Variants in NAALADL2 observed in about 807,000 individuals in gnomAD.
NAALADL2 encodes N-acetylated alpha-linked acidic dipeptidase like 2.
In NAALADL2, 76 loss-of-function variants were observed where a neutral mutation model predicts 87.2. The observed-to-expected ratio is 0.87, with a 90% CI of 0.72 to 1.05. NAALADL2 has a LOEUF of 1.05. Among genes scored for constraint, NAALADL2 ranks in the 50% least tolerant of loss-of-function variants. The probability of loss-of-function intolerance (pLI) is 0.00; values close to 1 mark genes in which losing one functional copy is unlikely to be tolerated. For missense variants in NAALADL2, 1,089 were observed against 945.8 expected, an observed-to-expected ratio of 1.15 and a Z score of -1.99; for synonymous variants, 354 against 331.0, an observed-to-expected ratio of 1.07 and a Z score of -0.75.
chr3:174,510,383 G>C (rs1719521241), intron 1 of NAALADL2, among the ~76,000 whole-genome samples: 1 of 151,970 alleles, frequency 6.6e-6, no homozygotes, highest in Non-Finnish European at 1.5e-5. Context: ...TTGAAATTTT[G>C]TTTTGAGAAG....
chr3:175,092,126 C>T lies in NAALADL2; in HGVS notation c.44-4664C>T, dbSNP rs1055533567. Among the ~76,000 whole-genome samples the T allele has an allele frequency of 7.3e-5, 11 of 151,518 alleles. No individual in the cohort carries two copies. The South Asian group carries it at 2.3e-3, about 31-fold the overall frequency. On this transcript the variant is annotated intron_variant, in intron 1 of 13. Coordinates refer to ENST00000454872, the MANE Select transcript of NAALADL2 (RefSeq NM_207015.3). ...CACATTAAATAATTTATCTCATTTA[C>T]TCTTCATAATAACTTCAAAAATGTG...
chr3:175,576,280 A>G, intron 10 of NAALADL2, 93 bp downstream of exon 10: 1 of 1,118,604 alleles, frequency 8.9e-7, no homozygotes, highest in Non-Finnish European at 1.3e-6. Context: ...TTCATATCAA[A>G]TAGGTCACTA....
At chr3:175,502,517 T>C (rs574563223) in intron 9 of NAALADL2, among the ~76,000 whole-genome samples, 1 of 152,268 alleles carries the variant, frequency 6.6e-6, no homozygotes, top group South Asian at 2.1e-4. Flanking sequence ...TGCTTGAGCC[T>C]GATAGCTTTA....
At chr3:174,457,193 TA>T (rs755314557) in intron 1 of NAALADL2, among the ~76,000 whole-genome samples, 1 of 151,866 alleles carries the variant, frequency 6.6e-6, no homozygotes, top group African/African-American at 2.4e-5. Flanking sequence ...TACTAAAAAG[TA>T]AAAAAATAAC....
At chr3:174,725,869 C>T (rs1240085145) in intron 2 of NAALADL2, among the ~76,000 whole-genome samples, 2 of 152,138 alleles carry the variant, frequency 1.3e-5, no homozygotes, top group Non-Finnish European at 2.9e-5. Flanking sequence ...GAGGAATGAC[C>T]AACTTGTTTT....
chr3:174,745,133 C>T (rs955352341), intron 3 of NAALADL2, among the ~76,000 whole-genome samples: 2 of 151,626 alleles, frequency 1.3e-5, no homozygotes, highest in African/African-American at 4.9e-5. Flanking sequence ...CACAAAAAAC[C>T]CTTCAAAAAA....
chr3:175,695,789 C>T lies in NAALADL2; in HGVS notation c.1897-41517C>T, dbSNP rs151019629. ...CTGAGGAATAAACAACTATATGTTT[C>T]AAATTTGTAACCATTAAACTTAATA... On this transcript the variant is annotated intron_variant, in intron 11 of 13. Coordinates refer to ENST00000454872, the MANE Select transcript of NAALADL2 (RefSeq NM_207015.3). 2.4e-4 allele frequency among the ~76,000 whole-genome samples: 36 copies of T among 152,178 alleles called. 1 individual carries two copies. In the East Asian group the frequency reaches 6.0e-3, roughly 25 times the overall value.
At chr3:174,981,992 C>T (rs1026177167) in intron 1 of NAALADL2, among the ~76,000 whole-genome samples, 21 of 152,168 alleles carry the variant, frequency 1.4e-4, no homozygotes, top group African/African-American at 4.8e-4. Context: ...TTTGCTGAAA[C>T]TTAAGAATAC....
At chr3:175,148,027 G>A (rs1304885857) in intron 2 of NAALADL2, among the ~76,000 whole-genome samples, 2 of 150,494 alleles carry the variant, frequency 1.3e-5, no homozygotes, top group Non-Finnish European at 3.0e-5. Context: ...CCGAGACTGG[G>A]CCATTGCACT....
chr3:175,469,014 A>T (rs961363196), intron 8 of NAALADL2, among the ~76,000 whole-genome samples: 15 of 152,170 alleles, frequency 9.9e-5, no homozygotes, highest in Non-Finnish European at 4.4e-5. Flanking sequence ...AAATTTTGTT[A>T]ATAAGGTTAT....
intron 1 of NAALADL2, among the ~76,000 whole-genome samples, chr3:174,987,811 A>ATATAT (rs1746155770): frequency 2.5e-5 from 3 of 121,324 alleles, no homozygotes; most frequent in African/African-American, 4.6e-5. Flanking sequence ...TATATATATA[A>ATATAT]TTATATATAT....
chr3:174,690,073 A>G (rs1560147070), intron 2 of NAALADL2, among the ~76,000 whole-genome samples: 1 of 152,178 alleles, frequency 6.6e-6, no homozygotes, highest in South Asian at 2.1e-4. Context: ...TATTTAATAT[A>G]TGATATTAGA....
At chr3:175,268,580 T>C (rs2109983563) in intron 4 of NAALADL2, among the ~76,000 whole-genome samples, 1 of 152,278 alleles carries the variant, frequency 6.6e-6, no homozygotes. Context: ...ATGAACTTTT[T>C]ACTTTTTTAA....
intron 9 of NAALADL2, among the ~76,000 whole-genome samples, chr3:175,481,946 T>G (rs1166547924): frequency 2.0e-5 from 3 of 151,936 alleles, no homozygotes; most frequent in Admixed American, 6.6e-5. Context: ...ATATAAACTT[T>G]AATACATGTA....
chr3:174,768,485 A>G (rs897904139), intron 3 of NAALADL2, among the ~76,000 whole-genome samples: 3 of 152,162 alleles, frequency 2.0e-5, no homozygotes, highest in African/African-American at 7.2e-5. Context: ...TCTGTGGATG[A>G]AGTCAAGTAA....
At chr3:174,978,552 T>G (rs536283994) in intron 1 of NAALADL2, among the ~76,000 whole-genome samples, 1 of 152,366 alleles carries the variant, frequency 6.6e-6, no homozygotes, top group Admixed American at 6.5e-5. Context: ...TACTTGGCAA[T>G]GGACAGGAGA....
At chr3:175,622,277 T>C (rs1726334966) in intron 10 of NAALADL2, among the ~76,000 whole-genome samples, 1 of 152,120 alleles carries the variant, frequency 6.6e-6, no homozygotes, top group Admixed American at 6.5e-5. Context: ...TTGGAAAGTG[T>C]AGAGAAACCA....
chr3:175,782,527 T>A (rs1400854075), intron 13 of NAALADL2, among the ~76,000 whole-genome samples: 4 of 137,808 alleles, frequency 2.9e-5, no homozygotes, highest in South Asian at 2.3e-4. Flanking sequence ...TCTGTTCATG[T>A]CCTTCGCCCA....
chr3:174,859,476 T>G, intron 1 of NAALADL2, 26 bp downstream of exon 1: 1 of 1,590,674 alleles, frequency 6.3e-7, no homozygotes, highest in Non-Finnish European at 8.6e-7. Flanking sequence ...CTATGAACTT[T>G]TCACTTTTCA....
Sources: gnomAD v4.1 joint callset for allele counts (sites outside exome capture counted in the v4.1 genomes callset) on GRCh38, gnomAD v4.1.1 for gene constraint, MANE v1.5 for transcripts, NCBI Gene and HGNC (gene_info 2026-07-23, HGNC 2026-07-21) for gene names.